Variants in SOS1 observed in about 807,000 individuals in gnomAD.
SOS1 encodes the protein son of sevenless homolog 1.
In SOS1, 25 loss-of-function variants were observed where a neutral mutation model predicts 157.6. That is an observed-to-expected ratio of 0.16 (90% confidence interval 0.12 to 0.22). The LOEUF (loss-of-function observed/expected upper bound fraction) is 0.22. Among genes scored for constraint, SOS1 ranks in the 10% least tolerant of loss-of-function variants. SOS1 has a pLI of 1.00. For synonymous variants in SOS1, 528 were observed against 534.0 expected (o/e 0.99, Z 0.16); for missense variants, 1,237 against 1,599.1 (o/e 0.77, Z 3.86).
intron 8 of SOS1, among the ~76,000 whole-genome samples, chr2:39,025,853 C>T (rs1008901508): frequency 5.3e-5 from 8 of 152,308 alleles, no homozygotes; most frequent in African/African-American, 1.9e-4. Context: ...AGATTTCTTA[C>T]TTATATTCTA....
chr2:39,020,376 C>T (rs949471115), intron 10 of SOS1, among the ~76,000 whole-genome samples: 10 of 151,588 alleles, frequency 6.6e-5, no homozygotes, highest in African/African-American at 9.7e-5. Flanking sequence ...GTCTGTAAGT[C>T]GTGTCTTATA....
chr2:39,115,402 C>G (rs1204681405), intron 1 of SOS1, among the ~76,000 whole-genome samples: 1 of 99,556 alleles, frequency 1.0e-5, no homozygotes, highest in Admixed American at 1.2e-4. Flanking sequence ...AATTTGTTCT[C>G]TCTCTTTTTT....
At chr2:39,013,398 A>G (rs1311470570) in intron 13 of SOS1, 62 bp downstream of exon 13, 12 of 928,550 alleles carry the variant, frequency 1.3e-5, no homozygotes, top group Non-Finnish European at 2.2e-5. Flanking sequence ...ACATCAATTG[A>G]TAGTCACCGT....
At chr2:39,102,553 A>AAAG (rs1558514206) in intron 1 of SOS1, among the ~76,000 whole-genome samples, 4 of 150,520 alleles carry the variant, frequency 2.7e-5, no homozygotes, top group Non-Finnish European at 5.9e-5. Context: ...AAAAAAAAAA[A>AAAG]AAGAAGAATT....
At chr2:39,104,509 G>C (rs1249411221) in intron 1 of SOS1, among the ~76,000 whole-genome samples, 1 of 152,256 alleles carries the variant, frequency 6.6e-6, no homozygotes, top group Middle Eastern at 3.4e-3. Flanking sequence ...TTGCTGGTAG[G>C]AATGTAAAAT....
At chr2:39,113,109 AC>A (rs1253978829) in intron 1 of SOS1, among the ~76,000 whole-genome samples, 1 of 151,844 alleles carries the variant, frequency 6.6e-6, no homozygotes, top group East Asian at 1.9e-4. Flanking sequence ...CAACCTACAA[AC>A]CCATCTTTAT....
At chr2:39,057,148 G>A (rs1454455698) in intron 3 of SOS1, among the ~76,000 whole-genome samples, 2 of 152,182 alleles carry the variant, frequency 1.3e-5, no homozygotes, top group Admixed American at 6.5e-5. Context: ...GAAGGCCCAA[G>A]TTTGGGGAAG....
At chr2:39,087,140 G>A (rs534073110) in intron 1 of SOS1, among the ~76,000 whole-genome samples, 1 of 152,134 alleles carries the variant, frequency 6.6e-6, no homozygotes, top group Non-Finnish European at 1.5e-5. Context: ...ATAGTATTAT[G>A]CACAAATGGT....
intron 15 of SOS1, 78 bp downstream of exon 15, chr2:39,010,506 A>C: frequency 7.0e-7 from 1 of 1,430,550 alleles, no homozygotes; most frequent in African/African-American, 1.4e-5. Flanking sequence ...CGTCTCAAAA[A>C]AAACAAACAA....
chr2:39,101,222 T>A (rs771560350), intron 1 of SOS1, among the ~76,000 whole-genome samples: 19 of 152,074 alleles, frequency 1.2e-4, no homozygotes, highest in Non-Finnish European at 1.5e-5. Context: ...AATTCTCACA[T>A]GAACGAATAG....
chr2:39,101,693 A>AT (rs146034951), intron 1 of SOS1, among the ~76,000 whole-genome samples: 11,905 of 152,192 alleles, frequency 0.078, 1,688 homozygotes, highest in African/African-American at 0.27. Context: ...CCTCCATAAA[A>AT]TGCTTGACAA....
chr2:39,029,393 A>C (rs886095642), intron 8 of SOS1, among the ~76,000 whole-genome samples: 1 of 152,172 alleles, frequency 6.6e-6, no homozygotes, highest in African/African-American at 2.4e-5. Flanking sequence ...TGGGAGGCTG[A>C]GGTGGGCAGA....
intron 17 of SOS1, among the ~76,000 whole-genome samples, chr2:39,004,143 C>T (rs369868755): frequency 3.2e-4 from 49 of 152,120 alleles, no homozygotes; most frequent in East Asian, 5.8e-4. Flanking sequence ...TGGCCGGGTG[C>T]GGTGGCTCAA....
At chr2:39,063,490 A>AAC (rs1301878865) in intron 2 of SOS1, among the ~76,000 whole-genome samples, 1 of 152,246 alleles carries the variant, frequency 6.6e-6, no homozygotes, top group African/African-American at 2.4e-5. Context: ...ATTCATCTGC[A>AAC]ACACTGCCTG....
intron 1 of SOS1, among the ~76,000 whole-genome samples, chr2:39,083,699 T>A (rs556287102): frequency 6.6e-6 from 1 of 152,294 alleles, no homozygotes; most frequent in South Asian, 2.1e-4. Flanking sequence ...TTAAAATATA[T>A]CCTTTGCCCA....
At chr2:39,047,261 A>T (rs1055703454) in intron 6 of SOS1, among the ~76,000 whole-genome samples, 1 of 152,230 alleles carries the variant, frequency 6.6e-6, no homozygotes, top group Non-Finnish European at 1.5e-5. Flanking sequence ...ATTGCCAGAT[A>T]GCATTTTATT....
At position 38,982,043 on chromosome 2, in the gene SOS1, CA is replaced by C. The variant is rs1163832281; in HGVS notation, c.*3780del. On this transcript the variant is annotated 3_prime_UTR_variant, in exon 23 of 23. Transcript: ENST00000402219. ...GCACAGGTGCGCTCTCCCTAAGCCA[CA>C]CCACATGTACCTTCCATCATCTGTT... is the stretch of plus-strand genomic sequence containing the variant. 6.6e-6 allele frequency: 1 copy of C among 152,162 alleles called. No homozygotes were observed. Among genetic ancestry groups the C allele is most frequent in the African/African-American group, 2.4e-5 (1 of 41,448 alleles). The allele number at this position is 152,162 out of a possible 1,614,324, so 9.4% of individuals were successfully genotyped here.
At chr2:39,007,656 T>C (rs1326777422) in intron 15 of SOS1, among the ~76,000 whole-genome samples, 1 of 152,208 alleles carries the variant, frequency 6.6e-6, no homozygotes, top group Non-Finnish European at 1.5e-5. Context: ...TCTGTTCCTA[T>C]GTTTCCTACA....
chr2:39,024,871 T>C (rs138205600), intron 8 of SOS1, among the ~76,000 whole-genome samples: 3 of 152,346 alleles, frequency 2.0e-5, no homozygotes, highest in African/African-American at 7.2e-5. Flanking sequence ...CACATTAAGA[T>C]TTTGAGTGAA....
Sources: allele counts gnomAD v4.1 joint callset (sites outside exome capture counted in the v4.1 genomes callset), GRCh38; gene constraint gnomAD v4.1.1; transcripts MANE v1.5; gene names NCBI Gene and HGNC (gene_info 2026-07-23, HGNC 2026-07-21).